The following ADAMTSL1 variants were observed in gnomAD, a reference collection of about 807,000 sequenced individuals.
ADAMTSL1 encodes the protein ADAMTS like 1, also known as ADAMTS-like protein 1.
ADAMTSL1 carries 126 observed loss-of-function variants against 201.8 expected under a neutral mutation model. The ratio of observed to expected loss-of-function variants is 0.62; its 90% CI spans 0.54 to 0.72. The LOEUF is 0.72. Ranked by LOEUF, ADAMTSL1 falls within the 30% of genes least tolerant of loss-of-function variation. The pLI, the probability that ADAMTSL1 is intolerant of heterozygous loss-of-function variation, is 0.00. For synonymous variants in ADAMTSL1, 1,121 were observed against 903.4 expected (o/e 1.24, Z -4.32); for missense variants, 2,679 against 2,277.8 (o/e 1.18, Z -3.59).
chr9:18,806,696 C>A (rs1192119836), intron 20 of ADAMTSL1, among the ~76,000 whole-genome samples: 3 of 152,192 alleles, frequency 2.0e-5, no homozygotes, highest in Non-Finnish European at 2.9e-5. Context: ...AGGAGAGAGA[C>A]CTGAGCCAGA....
At chr9:18,706,641 G>A (rs780075803) in intron 13 of ADAMTSL1, 106 bp from the exon 14 acceptor site, 96 of 1,183,342 alleles carry the variant, frequency 8.1e-5, no homozygotes, top group Non-Finnish European at 1.1e-4. Flanking sequence ...GTACCCCTGG[G>A]ACAGCTCTGG....
chr9:17,940,712 C>CAAAAAAAAAAAAAAAAAAAA (rs60466124), intron 1 of ADAMTSL1, among the ~76,000 whole-genome samples: 9 of 88,642 alleles, frequency 1.0e-4, no homozygotes, highest in Non-Finnish European at 1.3e-4. Flanking sequence ...GCATAACGTG[C>CAAAAAAAAAAAAAAAAAAAA]AAAAAAAAAA....
intron 2 of ADAMTSL1, among the ~76,000 whole-genome samples, chr9:18,184,892 C>G (rs1043188270): frequency 1.3e-5 from 2 of 152,174 alleles, no homozygotes; most frequent in Admixed American, 6.5e-5. Flanking sequence ...CTGTAACTAA[C>G]TCACGAAAGG....
intron 9 of ADAMTSL1, among the ~76,000 whole-genome samples, chr9:18,672,610 C>T (rs955040563): frequency 6.6e-6 from 1 of 152,122 alleles, no homozygotes; most frequent in Non-Finnish European, 1.5e-5. Flanking sequence ...TATATTTTCT[C>T]ATTATGGTCA....
intron 23 of ADAMTSL1, among the ~76,000 whole-genome samples, chr9:18,844,448 G>T (rs994150908): frequency 2.6e-5 from 4 of 151,860 alleles, no homozygotes; most frequent in African/African-American, 7.2e-5. Flanking sequence ...TGCCCCTACT[G>T]GGGGGTGCCT....
intron 2 of ADAMTSL1, among the ~76,000 whole-genome samples, chr9:18,440,840 A>T (rs1819964137): frequency 6.6e-6 from 1 of 152,096 alleles, no homozygotes; most frequent in Non-Finnish European, 1.5e-5. Context: ...TTCAAAATCT[A>T]TTTGGTTGAG....
intron 2 of ADAMTSL1, among the ~76,000 whole-genome samples, chr9:18,170,902 C>T (rs1827861808): frequency 6.6e-6 from 1 of 151,956 alleles, no homozygotes; most frequent in African/African-American, 2.4e-5. Context: ...TTTCATTGTA[C>T]CAGGAATACA....
intron 7 of ADAMTSL1, among the ~76,000 whole-genome samples, chr9:18,644,993 C>T (rs1464524113): frequency 2.0e-5 from 3 of 152,180 alleles, no homozygotes; most frequent in East Asian, 3.9e-4. Flanking sequence ...CACTAGTTTA[C>T]AGTCCCACCA....
chr9:18,314,357 C>G (rs930904960), intron 2 of ADAMTSL1, among the ~76,000 whole-genome samples: 2 of 152,122 alleles, frequency 1.3e-5, no homozygotes, highest in African/African-American at 4.8e-5. Flanking sequence ...AAGAATGAAG[C>G]TGTGGACCCT....
upstream of ADAMTSL1, among the ~76,000 whole-genome samples, chr9:18,471,326 C>T (rs994252940): frequency 7.2e-5 from 11 of 152,122 alleles, no homozygotes; most frequent in African/African-American, 1.9e-4. Context: ...GATTTAGATT[C>T]GGTAAACCGT....
At chr9:18,086,340 A>C (rs1449965442) in intron 1 of ADAMTSL1, among the ~76,000 whole-genome samples, 2 of 152,146 alleles carry the variant, frequency 1.3e-5, no homozygotes, top group African/African-American at 4.8e-5. Context: ...ACTAACCTTA[A>C]ATAAAACAGA....
chr9:18,514,976 T>C (rs1818277672), intron 2 of ADAMTSL1, among the ~76,000 whole-genome samples: 3 of 152,242 alleles, frequency 2.0e-5, no homozygotes, highest in Admixed American at 2.0e-4. Context: ...GTTCACATCA[T>C]GAAAGATGTT....
intron 4 of ADAMTSL1, among the ~76,000 whole-genome samples, chr9:18,583,210 C>T (rs1258845462): frequency 2.6e-5 from 4 of 152,272 alleles, no homozygotes; most frequent in South Asian, 4.1e-4. Context: ...GGGCCGGGCC[C>T]AGGATCCCCA....
At chr9:18,675,792 C>T (rs1830098538) in intron 9 of ADAMTSL1, 65 bp from the exon 10 acceptor site, 2 of 1,390,854 alleles carry the variant, frequency 1.4e-6, no homozygotes, top group African/African-American at 2.9e-5. Flanking sequence ...ATAATGTAAT[C>T]ATTTAGTGTT....
chr9:18,160,550 A>G (rs972775851), intron 1 of ADAMTSL1, among the ~76,000 whole-genome samples: 13 of 152,064 alleles, frequency 8.5e-5, no homozygotes, highest in Non-Finnish European at 1.8e-4. Context: ...TACGCTAAGT[A>G]CCTTAAAACT....
chr9:18,888,372 C>T (rs959685413), intron 24 of ADAMTSL1, among the ~76,000 whole-genome samples: 2 of 152,200 alleles, frequency 1.3e-5, no homozygotes, highest in African/African-American at 4.8e-5. Flanking sequence ...GCTGATTTAA[C>T]TAGTACAGAT....
rs1436200318 is a variant in ADAMTSL1, at chr9:18,906,435, G to T, written c.4962-257G>T. On this transcript the variant is annotated intron_variant, in intron 27 of 28. Coordinates refer to ENST00000380548, the MANE Select transcript of ADAMTSL1 (RefSeq NM_001040272.6). ...GGCTCTGCCGGTGTCCACATGGGGA[G>T]AGCTCATTCTTTAGTCATGCAGTGA... Among the ~76,000 whole-genome samples, 3 of 152,184 alleles carry T rather than the reference G, an allele frequency of 2.0e-5. No homozygotes were observed. The East Asian group carries it at 5.8e-4, about 29-fold the overall frequency.
At chr9:18,658,708 T>A (rs1828873377) in intron 8 of ADAMTSL1, among the ~76,000 whole-genome samples, 1 of 152,232 alleles carries the variant, frequency 6.6e-6, no homozygotes, top group Non-Finnish European at 1.5e-5. Flanking sequence ...TTTTCCTCAT[T>A]TTCTGCTCAT....
intron 1 of ADAMTSL1, among the ~76,000 whole-genome samples, chr9:17,984,665 A>C (rs1043022007): frequency 6.6e-6 from 1 of 152,078 alleles, no homozygotes; most frequent in African/African-American, 2.4e-5. Context: ...AAGTTTTTGG[A>C]CGTATTGTCA....
Sources: gnomAD v4.1 joint callset for allele counts (sites outside exome capture counted in the v4.1 genomes callset) on GRCh38, gnomAD v4.1.1 for gene constraint, MANE v1.5 for transcripts, NCBI Gene and HGNC (gene_info 2026-07-23, HGNC 2026-07-21) for gene names.